Variants in SRRM2 observed in about 807,000 individuals in gnomAD.
The protein encoded by SRRM2 is serine/arginine repetitive matrix protein 2.
SRRM2 carries 30 observed loss-of-function variants against 213.8 expected under a neutral mutation model. The observed-to-expected ratio is 0.14, with a 90% CI of 0.10 to 0.19. The LOEUF (loss-of-function observed/expected upper bound fraction) is 0.19. Ranked by LOEUF, SRRM2 falls within the 10% of genes least tolerant of loss-of-function variation. The pLI is 1.00. For missense variants in SRRM2, 4,904 were observed against 3,647.0 expected (o/e 1.34, Z -8.88); for synonymous variants, 2,025 against 1,377.7 (o/e 1.47, Z -10.40).
At chr16:2,758,381 A>C in intron 4 of SRRM2, 89 bp from the exon 5 acceptor site, 1 of 1,187,722 alleles carries the variant, frequency 8.4e-7, no homozygotes, top group Non-Finnish European at 1.2e-6. Flanking sequence ...TTTTATTTTT[A>C]TTACTATTTT....
rs2068566363 is a variant in SRRM2, at chr16:2,766,910, G to T, written c.6382G>T (p.Asp2128Tyr). 6.2e-7 allele frequency: 1 copy of T among 1,613,894 alleles called. No individual in the cohort carries two copies. The highest frequency in any genetic ancestry group is 1.3e-5 in the African/African-American group (1 of 74,896). The stretch of plus-strand genomic sequence containing the variant: ...TCCTAGCATGTCCCCAACACCTCTT[G>T]ATCGCTGCAGATCACCTGGAATGCT... The part of the protein sequence containing the change: ...SRPSMSPTPL[D>Y]RCRSPGMLEP... The change falls in exon 11 of 15, where the codon GAT becomes TAT. Residue 2128 changes from aspartate to tyrosine, a missense_variant. Asp to Tyr is a radical substitution (Grantham distance 160, BLOSUM62 -3). Transcript: ENST00000301740. This position sits in a 1 kb window ranked among gnomAD's most constrained non-coding sequence, Gnocchi z 7.0.
intron 1 of SRRM2, among the ~76,000 whole-genome samples, chr16:2,753,997 A>G (rs1224779082): frequency 6.6e-6 from 1 of 152,142 alleles, no homozygotes; most frequent in Non-Finnish European, 1.5e-5. Context: ...CCACTCGGAT[A>G]ATTTCCCAAC....
At chr16:2,755,015 C>T (rs1387964379) in intron 1 of SRRM2, among the ~76,000 whole-genome samples, 4 of 152,186 alleles carry the variant, frequency 2.6e-5, no homozygotes, top group South Asian at 2.1e-4. Context: ...TGCATCCTTC[C>T]CTTCTATCCA....
At chr16:2,770,017 C>T (rs1686981925) in intron 12 of SRRM2, 3 of 654,850 alleles carry the variant, frequency 4.6e-6, no homozygotes, top group Non-Finnish European at 7.2e-6. Flanking sequence ...CCTTCCCTGC[C>T]TTGCCCCATG....
At position 2,767,393 on chromosome 16, in the gene SRRM2, A is replaced by G. The variant is rs1317151210; in HGVS notation, c.6865A>G (p.Thr2289Ala). 5 of 1,613,440 alleles carry G rather than the reference A, an allele frequency of 3.1e-6. No homozygotes were observed. Among genetic ancestry groups the G allele is most frequent in the Admixed American group, 3.3e-5 (2 of 59,974 alleles). ...PSAVNLADPR[T>A]PTAPAVNLAG... ...GGCTGTGAACCTGGCTGACCCTCGCACTCCCACAGCCCCAGCTGTGAACCT... is the reference window on the plus strand; with the variant it reads ...GGCTGTGAACCTGGCTGACCCTCGCGCTCCCACAGCCCCAGCTGTGAACCT... Residue 2289 changes from threonine (T) to alanine (A), a missense_variant, in exon 11 of 15, where the codon ACT (threonine) becomes GCT (alanine). Coordinates refer to ENST00000301740, the MANE Select transcript of SRRM2 (RefSeq NM_016333.4).
Position 2,767,439 on chromosome 16 carries a change from C to G in SRRM2, c.6911C>G (p.Ala2304Gly). The part of the protein sequence containing the change: ...AVNLAGARTP[A>G]ALAALSLTGS... The stretch of plus-strand genomic sequence containing the variant: ...AACCTAGCAGGGGCCAGAACCCCAG[C>G]TGCCTTGGCAGCTCTGAGTCTCACA... Residue 2304 changes from alanine to glycine, a missense_variant, in exon 11 of 15, where the codon GCT (alanine) becomes GGT (glycine). Coordinates refer to ENST00000301740, the MANE Select transcript of SRRM2 (RefSeq NM_016333.4). The G allele has an allele frequency of 6.2e-7, 1 of 1,614,180 alleles. No homozygotes were observed.
Position 2,756,373 on chromosome 16 carries a change from C to T in SRRM2, c.9C>T (p.Asn3=), listed in dbSNP as rs1282103181. The change falls in exon 2 of 15, where the codon AAC becomes AAT. Residue 3 remains asparagine, a synonymous_variant. Transcript: ENST00000301740. Reference sequence around the variant, plus strand: ...CCCCCGGGCACGGGGCCATGTACAACGGGATCGGGCTGCCGACGCCCCGGG... The same window carrying T: ...CCCCCGGGCACGGGGCCATGTACAATGGGATCGGGCTGCCGACGCCCCGGG... The part of the protein sequence containing the change: MY[N]GIGLPTPRGS... The T allele has an allele frequency of 1.2e-6, 2 of 1,603,980 alleles. No homozygotes were observed. Among genetic ancestry groups the T allele is most frequent in the Non-Finnish European group, 1.7e-6 (2 of 1,177,006 alleles).
intron 10 of SRRM2, chr16:2,760,896 T>C (rs560172768): frequency 5.7e-6 from 1 of 176,406 alleles, no homozygotes; most frequent in African/African-American, 2.4e-5. Flanking sequence ...AACACTGAAA[T>C]AGTCTTCAGT....
At chr16:2,759,308 T>C in intron 7 of SRRM2, 44 bp from the exon 8 acceptor site, 6 of 1,610,142 alleles carry the variant, frequency 3.7e-6, no homozygotes, top group Non-Finnish European at 5.1e-6. Flanking sequence ...TTTTATTTCC[T>C]TTTTTAAAGA....
In SRRM2 at chr16:2,765,562, C is replaced by T. The variant is rs755280199; in HGVS notation, c.5034C>T (p.Pro1678=). The change falls in exon 11 of 15, where the codon CCC becomes CCT. Residue 1678 remains proline, a synonymous_variant. Transcript: ENST00000301740. ...GAGGTTCCAGGTCATCACCAGAGCCCAAGACCAAGTCTCGTACACCACCTC... is the reference window on the plus strand; with the variant it reads ...GAGGTTCCAGGTCATCACCAGAGCCTAAGACCAAGTCTCGTACACCACCTC... ...ARRGSRSSPE[P]KTKSRTPPRR... is the part of the protein sequence containing the mutation. The T allele has an allele frequency of 1.2e-6, 2 of 1,614,084 alleles. No individual in the cohort carries two copies. Among genetic ancestry groups the T allele is most frequent in the Non-Finnish European group, 1.7e-6 (2 of 1,180,036 alleles).
Position 2,759,341 on chromosome 16 carries a change from T to A in SRRM2, c.690-11T>A, listed in dbSNP as rs544572991. Reference sequence around the variant, plus strand: ...AGAAGTTACTTTTAACAACCTTTCCTTATTTCCCAGGTCTCCCACTCCAAA... The same window carrying A: ...AGAAGTTACTTTTAACAACCTTTCCATATTTCCCAGGTCTCCCACTCCAAA... On this transcript the variant is annotated splice_polypyrimidine_tract_variant and intron_variant, in intron 7 of 14. Transcript: ENST00000301740. 9 of 1,606,932 alleles carry A rather than the reference T, an allele frequency of 5.6e-6. No homozygotes were observed. In the East Asian group the frequency reaches 1.3e-4, roughly 24 times the overall value.
chr16:2,763,624 C>T lies in SRRM2; in HGVS notation c.3096C>T (p.Ser1032=), dbSNP rs891136441. The part of the protein sequence containing the change: ...KDSLVQSCPG[S]LSLCAGVKSS... ...CACTAGTTCAAAGTTGCCCTGGATC[C>T]CTCTCTCTCTGTGCAGGAGTAAAAT... The change falls in exon 11 of 15, where the codon TCC becomes TCT. Residue 1032 remains serine (S), a synonymous_variant. Coordinates refer to ENST00000301740, the MANE Select transcript of SRRM2 (RefSeq NM_016333.4). 1 of 1,614,026 alleles carries T rather than the reference C, an allele frequency of 6.2e-7. No individual in the cohort carries two copies. The highest frequency in any genetic ancestry group is 1.3e-5 in the African/African-American group (1 of 74,988).
intron 1 of SRRM2, 121 bp downstream of exon 1, chr16:2,752,967 G>C (rs951364114): frequency 1.3e-5 from 2 of 153,130 alleles, no homozygotes; most frequent in African/African-American, 2.4e-5. Flanking sequence ...CGCGCTCGAC[G>C]CCCTTCGCTG....
In SRRM2 at chr16:2,756,422, C is replaced by T. The variant is rs764663923; in HGVS notation, c.58C>T (p.Gln20Ter). ...PRGSGTNGYV[Q>*]RNLSLVRGRR... ...GGGCAGCGGCACCAACGGCTACGTC[C>T]AGCGCAACCTGTCCCTGGTGCGGGG... The change falls in exon 2 of 15, where the codon CAG (glutamine) becomes TAG (stop). Residue 20 changes from glutamine (Q) to a stop codon, truncating the protein, a stop_gained. Transcript: ENST00000301740. LOFTEE classifies it high-confidence loss of function. 2 of 1,611,514 alleles carry T rather than the reference C, an allele frequency of 1.2e-6. No homozygotes were observed. The highest frequency in any genetic ancestry group is 2.2e-5 in the East Asian group (1 of 44,784).
At position 2,764,511 on chromosome 16, in the gene SRRM2, G is replaced by A; in HGVS notation, c.3983G>A (p.Gly1328Glu). ...SNSPLRENSF[G>E]SPLEFRNSGP... ...TCCCCACTCAGGGAGAACAGCTTTG[G>A]ATCACCTTTAGAATTTAGAAACTCA... The change falls in exon 11 of 15, where the codon GGA becomes GAA. Residue 1328 changes from glycine to glutamate, a missense_variant. Gly to Glu is a moderately conservative substitution (Grantham distance 98). Transcript: ENST00000301740. The A allele has an allele frequency of 6.2e-7, 1 of 1,614,152 alleles. No individual in the cohort carries two copies. Among genetic ancestry groups the A allele is most frequent in the Non-Finnish European group, 8.5e-7 (1 of 1,180,020 alleles).
Position 2,761,999 on chromosome 16 carries a change from A to C in SRRM2, c.1471A>C (p.Lys491Gln), listed in dbSNP as rs757067784. The C allele has an allele frequency of 1.2e-6, 2 of 1,614,122 alleles. No individual in the cohort carries two copies. Among genetic ancestry groups the C allele is most frequent in the Non-Finnish European group, 1.7e-6 (2 of 1,180,030 alleles). Reference protein sequence around the residue: ...MGRSRSPATAKRGRSRSRTPT... With the variant: ...MGRSRSPATAQRGRSRSRTPT... ...GAGGTCCCGTAGCCCTGCCACCGCTAAGAGAGGGCGATCTCGGTCTCGAAC... is the reference window on the plus strand; with the variant it reads ...GAGGTCCCGTAGCCCTGCCACCGCTCAGAGAGGGCGATCTCGGTCTCGAAC... The change falls in exon 11 of 15, where the codon AAG becomes CAG. Residue 491 changes from lysine (K) to glutamine (Q), a missense_variant. By Grantham distance (53) the Lys-to-Gln change is moderately conservative (BLOSUM62 1). Coordinates refer to ENST00000301740, the MANE Select transcript of SRRM2 (RefSeq NM_016333.4).
chr16:2,760,791 T>A, intron 10 of SRRM2: 1 of 327,000 alleles, frequency 3.1e-6, no homozygotes, highest in Admixed American at 4.4e-5. Flanking sequence ...GTACTCCGTA[T>A]GATGCCTCTA....
chr16:2,768,605 C>T, intron 11 of SRRM2: 1 of 631,644 alleles, frequency 1.6e-6, no homozygotes. Flanking sequence ...CAGAGGTCAT[C>T]CCATCCCTCT....
chr16:2,755,902 A>C (rs1386982799), intron 1 of SRRM2, among the ~76,000 whole-genome samples: 1 of 152,200 alleles, frequency 6.6e-6, no homozygotes, highest in African/African-American at 2.4e-5. Context: ...TGTTGTGACC[A>C]GGAGGCTTTG....
Sources: gnomAD v4.1 joint callset for allele counts (sites outside exome capture counted in the v4.1 genomes callset) on GRCh38, gnomAD v4.1.1 for gene constraint, Gnocchi (gnomAD v3.1) non-coding constraint, MANE v1.5 for transcripts, NCBI Gene and HGNC (gene_info 2026-07-23, HGNC 2026-07-21) for gene names.